CLSTN2: variants seen among roughly 807,000 people sequenced by gnomAD.
CLSTN2 encodes the protein calsyntenin 2, also known as calsyntenin-2.
In CLSTN2, 48 loss-of-function variants were observed where a neutral mutation model predicts 101.2. That is an observed-to-expected ratio of 0.47 (90% CI 0.38 to 0.60). The LOEUF (loss-of-function observed/expected upper bound fraction) is 0.60. Among genes scored for constraint, CLSTN2 ranks in the 20% least tolerant of loss-of-function variants. The pLI is 0.00. For synonymous variants in CLSTN2, 481 were observed against 463.6 expected (o/e 1.04, Z -0.48); for missense variants, 1,160 against 1,238.2 (o/e 0.94, Z 0.95).
intron 1 of CLSTN2, among the ~76,000 whole-genome samples, chr3:139,980,283 T>C (rs547823622): frequency 6.6e-6 from 1 of 152,198 alleles, no homozygotes; most frequent in Non-Finnish European, 1.5e-5. Context: ...ACACTGTTCT[T>C]CTTGCACTTT....
At chr3:140,221,455 A>G (rs2086272610) in intron 2 of CLSTN2, among the ~76,000 whole-genome samples, 1 of 152,218 alleles carries the variant, frequency 6.6e-6, no homozygotes, top group Non-Finnish European at 1.5e-5. Context: ...TCTGGCTACA[A>G]TGACTTTGGA....
chr3:140,191,675 G>A (rs564475886), intron 2 of CLSTN2, among the ~76,000 whole-genome samples: 2 of 151,966 alleles, frequency 1.3e-5, no homozygotes, highest in Admixed American at 1.3e-4. Context: ...AAATCTATGT[G>A]TTGACAAATT....
chr3:140,111,974 C>T (rs2009164365), intron 1 of CLSTN2, among the ~76,000 whole-genome samples: 1 of 152,182 alleles, frequency 6.6e-6, no homozygotes, highest in Non-Finnish European at 1.5e-5. Context: ...GGCTTCAAAT[C>T]CACAGTCCAA....
chr3:140,564,207 C>G (rs1935988123), intron 16 of CLSTN2, 62 bp downstream of exon 16: 1 of 1,490,242 alleles, frequency 6.7e-7, no homozygotes, highest in East Asian at 2.3e-5. Context: ...CCAGCTCAAC[C>G]CTTCCTATGC....
At chr3:139,947,540 A>G (rs538715567) in intron 1 of CLSTN2, among the ~76,000 whole-genome samples, 1 of 152,316 alleles carries the variant, frequency 6.6e-6, no homozygotes, top group African/African-American at 2.4e-5. Flanking sequence ...TCTTTTTTCT[A>G]TGATGCTTTT....
At chr3:140,205,824 C>T (rs571827116) in intron 2 of CLSTN2, among the ~76,000 whole-genome samples, 1 of 152,282 alleles carries the variant, frequency 6.6e-6, no homozygotes, top group Non-Finnish European at 1.5e-5. Context: ...TCAAGGCAGA[C>T]AGCCATGACT....
intron 6 of CLSTN2, among the ~76,000 whole-genome samples, chr3:140,459,190 AT>A (rs1933493307): frequency 6.6e-6 from 1 of 152,124 alleles, no homozygotes; most frequent in Non-Finnish European, 1.5e-5. Context: ...TCCAAATCAA[AT>A]CCTGGCTTTC....
intron 8 of CLSTN2, among the ~76,000 whole-genome samples, chr3:140,485,972 C>A (rs1424030059): frequency 1.3e-5 from 2 of 151,882 alleles, no homozygotes; most frequent in East Asian, 3.9e-4. Context: ...TGTCCGACAA[C>A]CCCCCAGTGA....
chr3:140,565,418 A>T (rs1936006921), intron 16 of CLSTN2, among the ~76,000 whole-genome samples: 1 of 152,168 alleles, frequency 6.6e-6, no homozygotes, highest in Non-Finnish European at 1.5e-5. Context: ...AAATCCAGAA[A>T]TGAAATTTTG....
At chr3:140,537,070 A>T (rs1420829620) in intron 9 of CLSTN2, among the ~76,000 whole-genome samples, 7 of 152,332 alleles carry the variant, frequency 4.6e-5, no homozygotes. Context: ...TCTGAAGTCC[A>T]CTTATATACA....
At position 140,042,893 on chromosome 3, in the gene CLSTN2, T is replaced by G. The variant is rs532960246; in HGVS notation, c.109+107410T>G. On this transcript the variant is annotated intron_variant, in intron 1 of 16. Coordinates refer to ENST00000458420, the MANE Select transcript of CLSTN2 (RefSeq NM_022131.3). ...GCTGCATAGTATTCCATAGTGTATATGTGCCACATTTTCTTAATCCAGTCT... is the reference window on the plus strand; with the variant it reads ...GCTGCATAGTATTCCATAGTGTATAGGTGCCACATTTTCTTAATCCAGTCT... 2.5e-3 allele frequency among the ~76,000 whole-genome samples: 381 copies of G among 152,360 alleles called. 2 individuals carry two copies. The highest frequency in any genetic ancestry group is 8.8e-3 in the African/African-American group (364 of 41,582).
At chr3:140,127,258 A>G (rs2009450664) in intron 1 of CLSTN2, among the ~76,000 whole-genome samples, 1 of 152,056 alleles carries the variant, frequency 6.6e-6, no homozygotes, top group South Asian at 2.1e-4. Flanking sequence ...ACCCGGGGCA[A>G]ATTGCTTAAC....
At position 140,300,218 on chromosome 3, in the gene CLSTN2, C is replaced by G. The variant is rs1204519897; in HGVS notation, c.233-103411C>G. On this transcript the variant is annotated intron_variant, in intron 2 of 16. Coordinates refer to ENST00000458420, the MANE Select transcript of CLSTN2 (RefSeq NM_022131.3). The stretch of plus-strand genomic sequence containing the variant: ...TTTATGCATAATAATGCATAAGAAT[C>G]AAGTTCCTGATGCAGGGCTGGGCAG... Among the ~76,000 whole-genome samples the G allele has an allele frequency of 3.9e-5, 6 of 152,304 alleles. No homozygotes were observed. In the East Asian group the frequency reaches 1.2e-3, roughly 29 times the overall value.
At chr3:140,385,803 C>G (rs975948630) in intron 2 of CLSTN2, among the ~76,000 whole-genome samples, 1 of 152,164 alleles carries the variant, frequency 6.6e-6, no homozygotes, top group Non-Finnish European at 1.5e-5. Context: ...TAATTACTCA[C>G]TGCACAAGGC....
At chr3:139,976,735 G>A (rs921916733) in intron 1 of CLSTN2, among the ~76,000 whole-genome samples, 8 of 152,138 alleles carry the variant, frequency 5.3e-5, no homozygotes, top group Admixed American at 4.6e-4. Context: ...ACCTCTCCAA[G>A]CCTCCTCTCC....
intron 2 of CLSTN2, among the ~76,000 whole-genome samples, chr3:140,283,106 C>A (rs571973238): frequency 6.6e-6 from 1 of 152,168 alleles, no homozygotes; most frequent in East Asian, 1.9e-4. Flanking sequence ...AGACATTTAT[C>A]CCTTTGGAAT....
intron 2 of CLSTN2, among the ~76,000 whole-genome samples, chr3:140,210,757 T>A (rs1243700599): frequency 7.4e-6 from 1 of 135,712 alleles, no homozygotes; most frequent in Non-Finnish European, 1.6e-5. Flanking sequence ...GTTCATGCAG[T>A]GGGTTTGAAG....
At chr3:140,119,698 A>G (rs567310686) in intron 1 of CLSTN2, among the ~76,000 whole-genome samples, 4 of 152,194 alleles carry the variant, frequency 2.6e-5, no homozygotes, top group Admixed American at 2.6e-4. Context: ...TTGTGGAGAC[A>G]GGGTTTTGCC....
At chr3:139,973,190 A>G (rs918793135) in intron 1 of CLSTN2, among the ~76,000 whole-genome samples, 1 of 152,184 alleles carries the variant, frequency 6.6e-6, no homozygotes, top group Admixed American at 6.5e-5. Flanking sequence ...CAGGAGCGTG[A>G]TCTGCCATGA....
Sources: allele counts gnomAD v4.1 joint callset (sites outside exome capture counted in the v4.1 genomes callset), GRCh38; gene constraint gnomAD v4.1.1; transcripts MANE v1.5; gene names NCBI Gene and HGNC (gene_info 2026-07-23, HGNC 2026-07-21).